Variants in FGF14 observed in about 807,000 individuals in gnomAD.
The protein encoded by FGF14 is fibroblast growth factor homologous factor 4.
FGF14 carries 5 observed loss-of-function variants against 25.5 expected under a neutral mutation model. That is an observed-to-expected ratio of 0.20 (90% CI 0.10 to 0.41). The LOEUF (loss-of-function observed/expected upper bound fraction) is 0.41, where lower values mean the gene tolerates loss of function less well. Among genes scored for constraint, FGF14 ranks in the 10% least tolerant of loss-of-function variants. The pLI is 1.00. For missense variants in FGF14, 222 were observed against 320.1 expected (o/e 0.69, Z 2.34); for synonymous variants, 138 against 118.3 (o/e 1.17, Z -1.08).
intron 1 of FGF14, among the ~76,000 whole-genome samples, chr13:102,268,631 A>G (rs1378751262): frequency 6.6e-6 from 1 of 152,108 alleles, no homozygotes; most frequent in Non-Finnish European, 1.5e-5. Flanking sequence ...CTGACCTGTT[A>G]TATTTTAATT....
intron 1 of FGF14, among the ~76,000 whole-genome samples, chr13:102,241,031 C>A (rs981847732): frequency 6.6e-6 from 1 of 151,954 alleles, no homozygotes; most frequent in Non-Finnish European, 1.5e-5. Flanking sequence ...ATGCAAATGT[C>A]AAATTAACAT....
chr13:102,019,232 C>T (rs1386019186), intron 1 of FGF14, among the ~76,000 whole-genome samples: 1 of 152,142 alleles, frequency 6.6e-6, no homozygotes, highest in East Asian at 1.9e-4. Flanking sequence ...TAACTTTCCT[C>T]AGAAGAGAGT....
intron 1 of FGF14, among the ~76,000 whole-genome samples, chr13:102,381,781 C>A (rs1595010309): frequency 6.6e-6 from 1 of 152,068 alleles, no homozygotes; most frequent in East Asian, 1.9e-4. Flanking sequence ...ATGTAATATA[C>A]AATAATTTAT....
intron 1 of FGF14, among the ~76,000 whole-genome samples, chr13:101,931,468 T>G (rs1267894734): frequency 6.6e-6 from 1 of 152,198 alleles, no homozygotes; most frequent in Non-Finnish European, 1.5e-5. Flanking sequence ...GAGGCTGCAA[T>G]TATCTCAATT....
At chr13:101,735,443 G>A (rs940805603) in intron 3 of FGF14, among the ~76,000 whole-genome samples, 3 of 152,020 alleles carry the variant, frequency 2.0e-5, no homozygotes, top group Non-Finnish European at 4.4e-5. Flanking sequence ...GAGGTGACAC[G>A]TCTCTTAGAA....
chr13:102,235,406 G>A (rs1045042990), intron 1 of FGF14, among the ~76,000 whole-genome samples: 2 of 152,126 alleles, frequency 1.3e-5, no homozygotes, highest in Non-Finnish European at 2.9e-5. Context: ...GTTCTTTGCT[G>A]CTCAAAGTTT....
intron 1 of FGF14, among the ~76,000 whole-genome samples, chr13:101,909,889 A>G (rs2032711807): frequency 6.6e-6 from 1 of 152,200 alleles, no homozygotes; most frequent in Non-Finnish European, 1.5e-5. Context: ...TGGCACATAT[A>G]CACCATGGAA....
At chr13:101,971,441 G>T (rs2037588453) in intron 1 of FGF14, among the ~76,000 whole-genome samples, 1 of 151,672 alleles carries the variant, frequency 6.6e-6, no homozygotes, top group Non-Finnish European at 1.5e-5. Flanking sequence ...CATGTTCTTG[G>T]CTCACTGCAA....
At position 102,290,991 on chromosome 13, in the gene FGF14, A is replaced by T. The variant is rs568380994; in HGVS notation, c.208+110480T>A. Among the ~76,000 whole-genome samples, 3 of 152,366 alleles carry T rather than the reference A, an allele frequency of 2.0e-5. No individual in the cohort carries two copies. In the South Asian group the frequency reaches 6.2e-4, roughly 32 times the overall value. On this transcript the variant is annotated intron_variant, in intron 1 of 4. Coordinates refer to the FGF14 transcript ENST00000376131. ...GCATAAGATGTTGCAGAAACCAAGT[A>T]CAAATTCTATAACCAATAATATTTT...
intron 1 of FGF14, among the ~76,000 whole-genome samples, chr13:102,006,421 G>T (rs2039788348): frequency 6.6e-6 from 1 of 152,174 alleles, no homozygotes; most frequent in Non-Finnish European, 1.5e-5. Flanking sequence ...CCACAAGGTA[G>T]ATCTGGCAAA....
At chr13:102,288,080 C>T (rs2054194893) in intron 1 of FGF14, among the ~76,000 whole-genome samples, 1 of 152,220 alleles carries the variant, frequency 6.6e-6, no homozygotes, top group African/African-American at 2.4e-5. Context: ...GGCTCTTCTA[C>T]ATGACCATGA....
intron 1 of FGF14, among the ~76,000 whole-genome samples, chr13:102,325,769 C>T (rs1281446797): frequency 6.6e-6 from 1 of 152,096 alleles, no homozygotes; most frequent in Non-Finnish European, 1.5e-5. Flanking sequence ...TGTCTGTTTC[C>T]TCCTGCCTAG....
At chr13:102,361,248 C>T (rs1317732853) in intron 1 of FGF14, among the ~76,000 whole-genome samples, 2 of 152,186 alleles carry the variant, frequency 1.3e-5, no homozygotes, top group Admixed American at 6.5e-5. Context: ...CAGCACTCTT[C>T]ACCTGGACTT....
In FGF14 at chr13:102,200,670, T is replaced by C. The variant is rs367652123; in HGVS notation, c.208+200801A>G. On this transcript the variant is annotated intron_variant, in intron 1 of 4. Transcript: ENST00000376131. Reference sequence around the variant, plus strand: ...TTCTGTCAGCTTTTTCCTTAATAAATCGGACTTCATTTTTACTAATGACAG... The same window carrying C: ...TTCTGTCAGCTTTTTCCTTAATAAACCGGACTTCATTTTTACTAATGACAG... Among the ~76,000 whole-genome samples, 5 of 151,470 alleles carry C rather than the reference T, an allele frequency of 3.3e-5. No homozygotes were observed. In the South Asian group the frequency reaches 1.0e-3, roughly 32 times the overall value.
Position 102,250,061 on chromosome 13 carries a change from A to G in FGF14, c.208+151410T>C, listed in dbSNP as rs146152490. ...GACCACCCCCAGGGTAAAAAGACAC[A>G]TGTGTTCCCTATCAATGGAACTGTT... On this transcript the variant is annotated intron_variant, in intron 1 of 4. Transcript: ENST00000376131. Among the ~76,000 whole-genome samples, 847 of 152,262 alleles carry G rather than the reference A, an allele frequency of 5.6e-3. 7 individuals are homozygous for G. The highest frequency in any genetic ancestry group is 0.019 in the African/African-American group (794 of 41,542).
At chr13:102,229,076 C>G (rs1303245276) in intron 1 of FGF14, among the ~76,000 whole-genome samples, 1 of 151,992 alleles carries the variant, frequency 6.6e-6, no homozygotes, top group Non-Finnish European at 1.5e-5. Context: ...GGTTATGCAC[C>G]CCAGGGAAGA....
At chr13:102,306,431 A>G (rs1279168756) in intron 1 of FGF14, among the ~76,000 whole-genome samples, 1 of 152,174 alleles carries the variant, frequency 6.6e-6, no homozygotes, top group African/African-American at 2.4e-5. Context: ...GAAGACAAAG[A>G]GAAGAATCAG....
intron 1 of FGF14, among the ~76,000 whole-genome samples, chr13:102,351,223 C>T (rs1268271012): frequency 6.6e-6 from 1 of 151,940 alleles, no homozygotes; most frequent in Non-Finnish European, 1.5e-5. Context: ...AGTACAGTTA[C>T]AAGTATAATA....
In FGF14 at chr13:102,131,313, G is replaced by A. The variant is rs1307947308; in HGVS notation, c.209-256017C>T. Among the ~76,000 whole-genome samples the A allele has an allele frequency of 2.6e-5, 4 of 152,322 alleles. No homozygotes were observed. In the East Asian group the frequency reaches 5.8e-4, roughly 22 times the overall value. On this transcript the variant is annotated intron_variant, in intron 1 of 4. Transcript: ENST00000376131. Reference sequence around the variant, plus strand: ...TGTCTTTGCAAACCAAAGAGGTAGAGCAAGTTAAATTTCTATTTCAACTGA... The same window carrying A: ...TGTCTTTGCAAACCAAAGAGGTAGAACAAGTTAAATTTCTATTTCAACTGA...
Sources: allele counts gnomAD v4.1 joint callset (sites outside exome capture counted in the v4.1 genomes callset), GRCh38; gene constraint gnomAD v4.1.1; transcripts MANE v1.5; gene names NCBI Gene and HGNC (gene_info 2026-07-23, HGNC 2026-07-21).